TSEN34: variants seen among roughly 807,000 people sequenced by gnomAD.
The protein encoded by TSEN34 is tRNA splicing endonuclease subunit 34.
Under a neutral mutation model 30.2 loss-of-function variants are expected in TSEN34, and 25 were observed. That is an observed-to-expected ratio of 0.83 (90% CI 0.60 to 1.16). TSEN34 has a LOEUF of 1.16. TSEN34 is among the 50% of genes most tolerant of loss of function. TSEN34 has a pLI of 0.00. For synonymous variants in TSEN34, 209 were observed against 177.4 expected, an observed-to-expected ratio of 1.18 and a Z score of -1.41; for missense variants, 475 against 411.9, an observed-to-expected ratio of 1.15 and a Z score of -1.33.
Position 54,193,282 on chromosome 19 carries a change from A to G in TSEN34, c.853A>G (p.Arg285Gly). Residue 285 changes from arginine (R) to glycine (G), a missense_variant, in exon 4 of 4, where the codon AGA becomes GGA. Coordinates refer to ENST00000396388, the MANE Select transcript of TSEN34 (RefSeq NM_001077446.4). ...TGCTGGGCGCCTTGGAACCAGCGTC[A>G]GAAAGACCCTGCTCCTCTGTTCTCC... The part of the protein sequence containing the change: ...VAAGRLGTSV[R>G]KTLLLCSPQP... 6.2e-7 allele frequency: 1 copy of G among 1,614,178 alleles called. No homozygotes were observed. The highest frequency in any genetic ancestry group is 2.2e-5 in the East Asian group (1 of 44,888).
At chr19:54,190,519 G>A (rs1181139745), upstream of TSEN34, 1 of 1,331,628 alleles carries the variant, frequency 7.5e-7, no homozygotes, top group Non-Finnish European at 9.7e-7. Flanking sequence ...GTGGGGTTCG[G>A]TCGTAGGGCG....
intron 2 of TSEN34, 24 bp from the exon 3 acceptor site, chr19:54,192,092 A>G (rs1435456486): frequency 6.2e-7 from 1 of 1,613,734 alleles, no homozygotes; most frequent in Admixed American, 1.7e-5. Flanking sequence ...AATTTACCAA[A>G]CTCTTCTCTG....
upstream of TSEN34, chr19:54,189,931 G>A: frequency 3.4e-6 from 1 of 293,068 alleles, no homozygotes; most frequent in Non-Finnish European, 6.6e-6. Context: ...CCGGATGTGG[G>A]TGGGGCCACA....
chr19:54,190,456 C>G, upstream of TSEN34: 2 of 1,395,474 alleles, frequency 1.4e-6, no homozygotes, highest in Non-Finnish European at 1.9e-6. Context: ...TTGGGGTGAG[C>G]CCGCCCGAGC....
At position 54,193,745 on chromosome 19, in the gene TSEN34, G is replaced by T; in HGVS notation, c.*383G>T. The T allele has an allele frequency of 2.8e-6, 2 of 715,090 alleles. No homozygotes were observed. Among genetic ancestry groups the T allele is most frequent in the Non-Finnish European group, 5.0e-6 (2 of 397,072 alleles). 44.3% of individuals were successfully genotyped at this position (715,090 alleles called of 1,614,324 possible). ...TGTACAGGTGAGAAAAAGGCCTGGA[G>T]GAGGGGGACTGACTTGCCCAAAGTC... On this transcript the variant is annotated 3_prime_UTR_variant, in exon 4 of 4. Transcript: ENST00000396388.
At chr19:54,190,134 A>T, upstream of TSEN34, 1 of 554,052 alleles carries the variant, frequency 1.8e-6, no homozygotes, top group South Asian at 2.1e-5. Context: ...TCAAGTTCCC[A>T]AGTAGAGGAG....
upstream of TSEN34, chr19:54,190,494 G>A (rs930145821): frequency 1.5e-6 from 2 of 1,378,850 alleles, no homozygotes; most frequent in African/African-American, 3.1e-5. Context: ...TGTCCAGGGG[G>A]CGGGGCTTTC....
Position 54,193,697 on chromosome 19 carries a change from A to G in TSEN34, c.*335A>G. ...TTTGAATGTTTGCGACAGTCCTGGA[A>G]CCCGTGGATGGTCTCATCTGCATGT... On this transcript the variant is annotated 3_prime_UTR_variant, in exon 4 of 4. Transcript: ENST00000396388. 1.3e-6 allele frequency: 1 copy of G among 798,228 alleles called. No homozygotes were observed. The highest frequency in any genetic ancestry group is 2.7e-5 in the East Asian group (1 of 37,688). 49.4% of individuals were successfully genotyped at this position (798,228 alleles called of 1,614,324 possible). A position where few individuals can be genotyped will look rare whatever the true frequency, so the allele number is the denominator to read the frequency against.
upstream of TSEN34, chr19:54,191,144 G>A: frequency 2.2e-6 from 3 of 1,356,164 alleles, no homozygotes; most frequent in East Asian, 3.0e-5. Flanking sequence ...GCTTGTCTCC[G>A]GCGTCTCGTC....
rs1482326441 is a variant in TSEN34 at position 54,191,331 on chromosome 19, G to C, written c.-34G>C. ...GCGGTCCGCGGCGCGCAGCTGTTTCGGTAACTGCTTTGCCTCCCGGCTCCC... is the reference window on the plus strand; with the variant it reads ...GCGGTCCGCGGCGCGCAGCTGTTTCCGTAACTGCTTTGCCTCCCGGCTCCC... On this transcript the variant is annotated 5_prime_UTR_variant, in exon 1 of 4. Transcript: ENST00000396388. 1 of 1,548,462 alleles carries C rather than the reference G, an allele frequency of 6.5e-7. No homozygotes were observed.
chr19:54,193,571 T>A lies in TSEN34; in HGVS notation c.*209T>A. On this transcript the variant is annotated 3_prime_UTR_variant, in exon 4 of 4. Transcript: ENST00000396388. ...TTTTTGTAGTTACCTATTTTCACACTGTGAGCTTCCCGAGAATGGGGCCTG... is the reference window on the plus strand; with the variant it reads ...TTTTTGTAGTTACCTATTTTCACACAGTGAGCTTCCCGAGAATGGGGCCTG... 2.0e-6 allele frequency: 3 copies of A among 1,520,264 alleles called. No individual in the cohort carries two copies. In the South Asian group the frequency reaches 3.6e-5, roughly 18 times the overall value. 94.2% of individuals were successfully genotyped at this position (1,520,264 alleles called of 1,614,324 possible).
intron 3 of TSEN34, 58 bp downstream of exon 3, chr19:54,192,431 C>A: frequency 1.3e-5 from 20 of 1,516,554 alleles, no homozygotes; most frequent in Non-Finnish European, 1.8e-5. Context: ...CCAATGTATT[C>A]TGCGTTTTTC....
chr19:54,192,441 C>CTTT (rs11420984), intron 3 of TSEN34, 68 bp downstream of exon 3: 9 of 1,397,126 alleles, frequency 6.4e-6, no homozygotes, highest in Non-Finnish European at 8.8e-6. Flanking sequence ...CTGCGTTTTT[C>CTTT]TTTTTTTTTT....
chr19:54,191,799 C>G lies in TSEN34; in HGVS notation c.322C>G (p.Arg108Gly), dbSNP rs765357797. 3 of 1,614,066 alleles carry G rather than the reference C, an allele frequency of 1.9e-6. No homozygotes were observed. The highest frequency in any genetic ancestry group is 1.3e-5 in the African/African-American group (1 of 74,920). The part of the protein sequence containing the change: ...SALAAEARET[R>G]RQELLEKITE... ...CTTGGCAGCTGAGGCCCGGGAGACC[C>G]GTCGTCAGGAGCTCCTGGAGAAGAT... The change falls in exon 2 of 4, where the codon CGT becomes GGT. Residue 108 changes from arginine (R) to glycine (G), a missense_variant. Coordinates refer to ENST00000396388, the MANE Select transcript of TSEN34 (RefSeq NM_001077446.4).
At chr19:54,191,250 CCTGAGGCCTAGGGGCGGGG>C, upstream of TSEN34, 1 of 1,499,394 alleles carries the variant, frequency 6.7e-7, no homozygotes, top group Admixed American at 2.3e-5. Flanking sequence ...GGCCCCGCCC[CCTGAGGCCTAGGGGCGGGG>C]CTTCGCCGAG....
At position 54,193,747 on chromosome 19, in the gene TSEN34, A is replaced by C. The variant is rs36622; in HGVS notation, c.*385A>C. On this transcript the variant is annotated 3_prime_UTR_variant, in exon 4 of 4. Coordinates refer to ENST00000396388, the MANE Select transcript of TSEN34 (RefSeq NM_001077446.4). ...TACAGGTGAGAAAAAGGCCTGGAGG[A>C]GGGGGACTGACTTGCCCAAAGTCAC... The C allele has an allele frequency of 1.8e-3, 1,255 of 712,390 alleles. 21 individuals are homozygous for C. In the East Asian group the frequency reaches 0.031, roughly 17 times the overall value. 44.1% of individuals were successfully genotyped at this position (712,390 alleles called of 1,614,324 possible).
At chr19:54,191,180 A>G, upstream of TSEN34, 1 of 1,381,502 alleles carries the variant, frequency 7.2e-7, no homozygotes, top group Middle Eastern at 2.7e-4. Flanking sequence ...GCCTGGTGGG[A>G]TCGCCCGGGG....
intron 3 of TSEN34, among the ~76,000 whole-genome samples, chr19:54,192,575 T>G (rs1347933546): frequency 6.6e-6 from 1 of 152,146 alleles, no homozygotes; most frequent in Non-Finnish European, 1.5e-5. Flanking sequence ...CATTTTTCTT[T>G]TTTGTCTCAC....
upstream of TSEN34, chr19:54,191,278 A>C (rs2076676618): frequency 7.2e-6 from 11 of 1,532,542 alleles, no homozygotes; most frequent in Admixed American, 2.2e-4. Context: ...GGCTTCGCCG[A>C]GACCCCGGAG....
Sources: gnomAD v4.1 joint callset for allele counts (sites outside exome capture counted in the v4.1 genomes callset) on GRCh38, gnomAD v4.1.1 for gene constraint, MANE v1.5 for transcripts, NCBI Gene and HGNC (gene_info 2026-07-23, HGNC 2026-07-21) for gene names.